Variants in RASGEF1A observed in about 807,000 individuals in gnomAD.
The protein encoded by RASGEF1A is RasGEF domain family member 1A.
RASGEF1A carries 18 observed loss-of-function variants against 56.4 expected under a neutral mutation model. The ratio of observed to expected loss-of-function variants is 0.32; its 90% CI spans 0.22 to 0.47. The LOEUF (loss-of-function observed/expected upper bound fraction) is 0.47. RASGEF1A is among the 20% of genes least tolerant of loss of function. The pLI is 1.00. For missense variants in RASGEF1A, 422 were observed against 627.1 expected, an observed-to-expected ratio of 0.67 and a Z score of 3.49; for synonymous variants, 245 against 242.6, an observed-to-expected ratio of 1.01 and a Z score of -0.09.
At chr10:43,234,036 A>T (rs2505548) in intron 1 of RASGEF1A, among the ~76,000 whole-genome samples, 1 of 151,842 alleles carries the variant, frequency 6.6e-6, no homozygotes, top group Non-Finnish European at 1.5e-5. Context: ...AGGGCCGGGG[A>T]GGGCACCCTC....
intron 1 of RASGEF1A, among the ~76,000 whole-genome samples, chr10:43,248,270 C>T (rs1840588515): frequency 1.3e-5 from 2 of 150,292 alleles, no homozygotes; most frequent in South Asian, 4.2e-4. Context: ...CCCAGAGACT[C>T]GCTTGAACCT....
In RASGEF1A at chr10:43,218,554, G is replaced by T. The variant is rs1273516731; in HGVS notation, c.-6-12432C>A. 2.6e-5 allele frequency among the ~76,000 whole-genome samples: 4 copies of T among 151,948 alleles called. 1 individual carries two copies. Among genetic ancestry groups the T allele is most frequent in the Admixed American group, 2.6e-4 (4 of 15,264 alleles). On this transcript the variant is annotated intron_variant, in intron 1 of 12. Coordinates refer to ENST00000395810, the MANE Select transcript of RASGEF1A (RefSeq NM_145313.4). Reference sequence around the variant, plus strand: ...ATGCTGGCCCCATTCCTGCAGCAGGGCAGGGAACTCCCTGCAGCCCCTGCC... The same window carrying T: ...ATGCTGGCCCCATTCCTGCAGCAGGTCAGGGAACTCCCTGCAGCCCCTGCC...
chr10:43,263,774 T>C (rs904407675), intron 1 of RASGEF1A, among the ~76,000 whole-genome samples: 10 of 152,298 alleles, frequency 6.6e-5, no homozygotes, highest in Non-Finnish European at 1.2e-4. Flanking sequence ...TCCTGAGTTG[T>C]GCCCAAAGGC....
chr10:43,211,609 T>C (rs1348404319), intron 1 of RASGEF1A, among the ~76,000 whole-genome samples: 4 of 152,232 alleles, frequency 2.6e-5, no homozygotes, highest in African/African-American at 9.7e-5. Context: ...CATATGCTGC[T>C]GTCCCCCAGA....
At chr10:43,198,670 C>G (rs1839839994) in intron 9 of RASGEF1A, among the ~76,000 whole-genome samples, 2 of 152,238 alleles carry the variant, frequency 1.3e-5, no homozygotes, top group African/African-American at 4.8e-5. Flanking sequence ...TCCAACACAA[C>G]CCCACTCTTG....
intron 1 of RASGEF1A, among the ~76,000 whole-genome samples, chr10:43,256,963 T>C (rs12768110): frequency 0.29 from 43,463 of 152,070 alleles, 6,588 homozygotes; most frequent in Non-Finnish European, 0.33. Flanking sequence ...CACCTCTCCC[T>C]CCTTCCAGAA....
At chr10:43,203,549 C>T in intron 2 of RASGEF1A, 129 bp from the exon 3 acceptor site, 1 of 1,382,266 alleles carries the variant, frequency 7.2e-7, no homozygotes, top group Non-Finnish European at 9.5e-7. Context: ...ATGCCTTCAC[C>T]TGCCCGGTTC....
At chr10:43,204,307 G>A (rs370992936) in intron 2 of RASGEF1A, among the ~76,000 whole-genome samples, 3 of 152,280 alleles carry the variant, frequency 2.0e-5, no homozygotes, top group African/African-American at 7.2e-5. Context: ...AGCAAGCCAG[G>A]TTGTGCTTGC....
intron 2 of RASGEF1A, chr10:43,203,830 G>C (rs753551463): frequency 1.0e-6 from 1 of 1,004,080 alleles, no homozygotes; most frequent in Non-Finnish European, 1.2e-6. Flanking sequence ...GGTGGGGAGG[G>C]TGGGGGATGC....
At position 43,254,695 on chromosome 10, in the gene RASGEF1A, T is replaced by C. The variant is rs1190728468; in HGVS notation, c.-7+12150A>G. On this transcript the variant is annotated intron_variant, in intron 1 of 12. Transcript: ENST00000395810. Reference sequence around the variant, plus strand: ...GCTGTGCTCCCTGAGCAAGTCTCTGTGGTCACAGGCAAGGATGGAAACCGC... The same window carrying C: ...GCTGTGCTCCCTGAGCAAGTCTCTGCGGTCACAGGCAAGGATGGAAACCGC... Among the ~76,000 whole-genome samples, 5 of 152,074 alleles carry C rather than the reference T, an allele frequency of 3.3e-5. No homozygotes were observed. The East Asian group carries it at 7.7e-4, about 23-fold the overall frequency.
intron 1 of RASGEF1A, among the ~76,000 whole-genome samples, chr10:43,250,191 A>G (rs540898336): frequency 6.7e-4 from 102 of 152,368 alleles, no homozygotes; most frequent in African/African-American, 2.3e-3. Flanking sequence ...GCCAATGCGC[A>G]GTCTCGGAGC....
At chr10:43,203,837 A>T in intron 2 of RASGEF1A, 1 of 845,406 alleles carries the variant, frequency 1.2e-6, no homozygotes, top group Non-Finnish European at 1.4e-6. Flanking sequence ...AGGGTGGGGG[A>T]TGCAGGGAGG....
intron 2 of RASGEF1A, among the ~76,000 whole-genome samples, chr10:43,204,516 G>C (rs1027303598): frequency 6.6e-6 from 1 of 152,218 alleles, no homozygotes; most frequent in East Asian, 1.9e-4. Flanking sequence ...CAACTAAGAC[G>C]TGGAGGAAAG....
intron 1 of RASGEF1A, among the ~76,000 whole-genome samples, chr10:43,254,146 G>A (rs992713019): frequency 6.6e-6 from 1 of 152,200 alleles, no homozygotes; most frequent in African/African-American, 2.4e-5. Context: ...GCAAGGAAGT[G>A]GGCTGCAGGA....
chr10:43,262,570 G>T (rs759535002), intron 1 of RASGEF1A, among the ~76,000 whole-genome samples: 1 of 152,236 alleles, frequency 6.6e-6, no homozygotes, highest in African/African-American at 2.4e-5. Context: ...CACCTCCCAC[G>T]GATGTTCGCT....
At chr10:43,208,673 G>C in intron 1 of RASGEF1A, 1 of 985,634 alleles carries the variant, frequency 1.0e-6, no homozygotes, top group Non-Finnish European at 1.2e-6. Flanking sequence ...CCCACCTGGG[G>C]ACACGGCCCA....
intron 1 of RASGEF1A, among the ~76,000 whole-genome samples, chr10:43,228,942 C>G (rs533847334): frequency 6.6e-6 from 1 of 152,346 alleles, no homozygotes; most frequent in Admixed American, 6.5e-5. Context: ...CGGGGCTCAG[C>G]TCCACGCTGT....
intron 7 of RASGEF1A, 62 bp from the exon 8 acceptor site, chr10:43,199,256 C>T (rs543300768): frequency 5.4e-5 from 72 of 1,324,452 alleles, no homozygotes; most frequent in South Asian, 5.3e-4. Context: ...CTGGGGCCGC[C>T]GGGCAGAGGA....
chr10:43,263,030 G>A (rs748612038), intron 1 of RASGEF1A, among the ~76,000 whole-genome samples: 6 of 152,306 alleles, frequency 3.9e-5, no homozygotes, highest in South Asian at 2.1e-4. Context: ...GTTCAGGGGC[G>A]TGATGATGTG....
Sources: gnomAD v4.1 joint callset for allele counts (sites outside exome capture counted in the v4.1 genomes callset) on GRCh38, gnomAD v4.1.1 for gene constraint, MANE v1.5 for transcripts, NCBI Gene and HGNC (gene_info 2026-07-23, HGNC 2026-07-21) for gene names.